The following THAP12 variants were observed in gnomAD, a reference collection of about 807,000 sequenced individuals.
THAP12 encodes THAP domain containing 12.
In THAP12, 20 loss-of-function variants were observed where a neutral mutation model predicts 63.0. The ratio of observed to expected loss-of-function variants is 0.32; its 90% confidence interval spans 0.22 to 0.46. The LOEUF is 0.46. THAP12 is among the 20% of genes least tolerant of loss of function. The pLI, the probability that THAP12 is intolerant of heterozygous loss-of-function variation, is 1.00. For missense variants in THAP12, 568 were observed against 908.2 expected (o/e 0.63, Z 4.81); for synonymous variants, 264 against 328.4 (o/e 0.80, Z 2.12).
At chr11:76,373,136 G>A (rs955950840) in intron 1 of THAP12, among the ~76,000 whole-genome samples, 9 of 151,918 alleles carry the variant, frequency 5.9e-5, no homozygotes, top group Non-Finnish European at 8.8e-5. Flanking sequence ...AATACACTAC[G>A]TAAGTACTGT....
At chr11:76,379,652 T>A (rs1269406904) in intron 1 of THAP12, among the ~76,000 whole-genome samples, 2 of 152,222 alleles carry the variant, frequency 1.3e-5, no homozygotes, top group Non-Finnish European at 2.9e-5. Flanking sequence ...AAATAGCAAT[T>A]GTGCGTCCCT....
chr11:76,369,655 C>A (rs748165052), intron 1 of THAP12, among the ~76,000 whole-genome samples: 5 of 152,266 alleles, frequency 3.3e-5, no homozygotes, highest in Non-Finnish European at 7.3e-5. Context: ...CACCTGCCAT[C>A]CCTTCTGGGA....
In THAP12 at chr11:76,350,406, G is replaced by A. The variant is rs1381233968; in HGVS notation, c.*458C>T. The A allele has an allele frequency of 6.6e-6, 1 of 152,574 alleles. No individual in the cohort carries two copies. Among genetic ancestry groups the A allele is most frequent in the Admixed American group, 6.5e-5 (1 of 15,278 alleles). 9.5% of individuals were successfully genotyped at this position (152,574 alleles called of 1,614,324 possible). ...ACAAGCTTTTCTCCGGTAATTTCTTGTAACTGTCCAGTATAGATTTTTAAC... is the reference window on the plus strand; with the variant it reads ...ACAAGCTTTTCTCCGGTAATTTCTTATAACTGTCCAGTATAGATTTTTAAC... On this transcript the variant is annotated 3_prime_UTR_variant, in exon 5 of 5. Transcript: ENST00000260045.
Position 76,351,382 on chromosome 11 carries a change from G to A in THAP12, c.1768C>T (p.Leu590Phe). The A allele has an allele frequency of 6.2e-7, 1 of 1,603,108 alleles. No homozygotes were observed. The highest frequency in any genetic ancestry group is 8.5e-7 in the Non-Finnish European group (1 of 1,172,102). ...VPTVEHIIQE[L>F]KDIFSEQHLK... ...TGCTGTTCTGAGAATATATCTTTAA[G>A]TTCCTGAATAATGTGCTCCACTGTT... The change falls in exon 5 of 5, where the codon CTT becomes TTT. Residue 590 changes from leucine to phenylalanine, a missense_variant. Coordinates refer to ENST00000260045, the MANE Select transcript of THAP12 (RefSeq NM_004705.4).
chr11:76,362,540 C>T (rs1946604494), intron 2 of THAP12, among the ~76,000 whole-genome samples: 2 of 152,172 alleles, frequency 1.3e-5, no homozygotes, highest in Non-Finnish European at 2.9e-5. Context: ...GTGCTGGGCT[C>T]GTGATCCTGA....
At chr11:76,367,361 C>A (rs1055293612) in intron 1 of THAP12, among the ~76,000 whole-genome samples, 1 of 152,068 alleles carries the variant, frequency 6.6e-6, no homozygotes, top group African/African-American at 2.4e-5. Context: ...CAGGCGTGAG[C>A]CACCGCGCCC....
chr11:76,365,407 C>A (rs528660319), intron 2 of THAP12, among the ~76,000 whole-genome samples: 1 of 151,534 alleles, frequency 6.6e-6, no homozygotes, highest in Non-Finnish European at 1.5e-5. Context: ...TTTTTCCAGA[C>A]AAGCGCTCAC....
rs1241577273 is a variant in THAP12, at chr11:76,355,496, A to G, written c.355+122T>C. On this transcript the variant is annotated intron_variant, in intron 4 of 4. Transcript: ENST00000260045. ...AATTCCAAAACACAGGACAAAATTG[A>G]GCACACTCCTACATTCATTCTCAAG... 6 of 855,504 alleles carry G rather than the reference A, an allele frequency of 7.0e-6. No individual in the cohort carries two copies. In the Admixed American group the frequency reaches 1.0e-4, roughly 15 times the overall value. 53.0% of individuals were successfully genotyped at this position (855,504 alleles called of 1,614,324 possible).
chr11:76,369,552 A>G (rs1206371778), intron 1 of THAP12, among the ~76,000 whole-genome samples: 1 of 152,272 alleles, frequency 6.6e-6, no homozygotes, highest in African/African-American at 2.4e-5. Flanking sequence ...CTTGGTTGGT[A>G]AACAGTTCCA....
chr11:76,363,621 C>A (rs913203981), intron 2 of THAP12, among the ~76,000 whole-genome samples: 1 of 152,206 alleles, frequency 6.6e-6, no homozygotes, highest in African/African-American at 2.4e-5. Context: ...CACAGTCTCA[C>A]TCTGTCACCA....
At chr11:76,373,560 T>C (rs1413079752) in intron 1 of THAP12, among the ~76,000 whole-genome samples, 2 of 151,516 alleles carry the variant, frequency 1.3e-5, no homozygotes, top group Non-Finnish European at 2.9e-5. Context: ...CTAAAAAAAA[T>C]TTTTTTCAAA....
intron 2 of THAP12, among the ~76,000 whole-genome samples, chr11:76,363,028 A>G (rs1170399659): frequency 6.6e-6 from 1 of 152,184 alleles, no homozygotes; most frequent in Non-Finnish European, 1.5e-5. Flanking sequence ...CTGTAGTTCC[A>G]GCTACTTGGG....
At chr11:76,356,626 CTT>C (rs1239250507) in intron 3 of THAP12, 1 of 152,178 alleles carries the variant, frequency 6.6e-6, no homozygotes. Flanking sequence ...CATGTACAGA[CTT>C]TTTTTCTCAT....
At chr11:76,371,297 C>T (rs145318355) in intron 1 of THAP12, among the ~76,000 whole-genome samples, 5 of 152,298 alleles carry the variant, frequency 3.3e-5, no homozygotes, top group African/African-American at 1.2e-4. Flanking sequence ...GCCTTCCCTG[C>T]GCTGTTTACT....
intron 3 of THAP12, 47 bp downstream of exon 3, chr11:76,360,909 A>G (rs1055066400): frequency 8.0e-7 from 1 of 1,254,618 alleles, no homozygotes; most frequent in Non-Finnish European, 1.2e-6. Context: ...ATTTGATTTC[A>G]TAGTATTATG....
At chr11:76,354,624 A>G (rs959096345) in intron 4 of THAP12, among the ~76,000 whole-genome samples, 7 of 152,066 alleles carry the variant, frequency 4.6e-5, no homozygotes, top group African/African-American at 1.7e-4. Flanking sequence ...TTCAACTTTT[A>G]TTTGGTCAGT....
At chr11:76,370,701 A>C (rs981613321) in intron 1 of THAP12, among the ~76,000 whole-genome samples, 8 of 151,704 alleles carry the variant, frequency 5.3e-5, no homozygotes, top group African/African-American at 1.9e-4. Flanking sequence ...AAATTATAAA[A>C]ATTATATATG....
intron 4 of THAP12, among the ~76,000 whole-genome samples, chr11:76,354,034 G>A (rs1416946873): frequency 2.6e-5 from 4 of 152,174 alleles, no homozygotes; most frequent in Non-Finnish European, 5.9e-5. Context: ...TATGGAGGGC[G>A]GTGGGGAGAA....
intron 2 of THAP12, among the ~76,000 whole-genome samples, chr11:76,363,951 G>C (rs1388027608): frequency 6.6e-6 from 1 of 152,090 alleles, no homozygotes; most frequent in Non-Finnish European, 1.5e-5. Context: ...CGTATAGAAA[G>C]AACATTTTCT....
Sources: gnomAD v4.1 joint callset for allele counts (sites outside exome capture counted in the v4.1 genomes callset) on GRCh38, gnomAD v4.1.1 for gene constraint, MANE v1.5 for transcripts, NCBI Gene and HGNC (gene_info 2026-07-23, HGNC 2026-07-21) for gene names.